Variants in TCF4 observed in about 807,000 individuals in gnomAD.
TCF4 encodes the protein transcription factor 4.
A neutral mutation model predicts 82.1 loss-of-function variants in TCF4; 3 were observed. That is an observed-to-expected ratio of 0.04 (90% CI 0.02 to 0.09). The LOEUF is 0.09. Ranked by LOEUF, TCF4 falls within the 10% of genes least tolerant of loss-of-function variation. TCF4 has a pLI of 1.00. For missense variants in TCF4, 518 were observed against 852.7 expected (o/e 0.61, Z 4.89); for synonymous variants, 276 against 309.6 (o/e 0.89, Z 1.14).
At chr18:55,605,216 C>T (rs2097701155) in intron 2 of TCF4, among the ~76,000 whole-genome samples, 1 of 152,186 alleles carries the variant, frequency 6.6e-6, no homozygotes, top group South Asian at 2.1e-4. Flanking sequence ...AGACTGAAAA[C>T]CCATCATACC....
chr18:55,322,086 TC>T (rs1261642996), intron 8 of TCF4: 2 of 1,105,772 alleles, frequency 1.8e-6, no homozygotes, highest in Non-Finnish European at 2.2e-6. Flanking sequence ...TTTTTCTTTT[TC>T]TTTTCTTTTT....
intron 5 of TCF4, among the ~76,000 whole-genome samples, chr18:55,431,612 AG>A (rs1254097519): frequency 6.6e-6 from 1 of 152,130 alleles, no homozygotes; most frequent in East Asian, 1.9e-4. Context: ...TCCTTCTCTG[AG>A]GACTACCTGA....
Position 55,511,059 on chromosome 18 carries a change from C to T in TCF4, c.146-46922G>A, listed in dbSNP as rs182567133. On this transcript the variant is annotated intron_variant, in intron 3 of 19. Coordinates refer to ENST00000354452, the MANE Select transcript of TCF4 (RefSeq NM_001083962.2). ...GATGTTTGTAAATTTCCTTCCTTTA[C>T]GCATCAAGCTGGCAAACTGTCGTCA... Among the ~76,000 whole-genome samples, 220 of 152,210 alleles carry T rather than the reference C, an allele frequency of 1.4e-3. 2 individuals are homozygous for T. The highest frequency in any genetic ancestry group is 2.5e-3 in the Non-Finnish European group (170 of 67,998).
chr18:55,257,739 C>T (rs2057190447), intron 13 of TCF4, among the ~76,000 whole-genome samples: 1 of 152,076 alleles, frequency 6.6e-6, no homozygotes, highest in Admixed American at 6.6e-5. Flanking sequence ...TTTGTTAGAC[C>T]TTCATGCAAG....
chr18:55,528,634 G>A (rs535098017), intron 3 of TCF4, among the ~76,000 whole-genome samples: 1 of 152,296 alleles, frequency 6.6e-6, no homozygotes, highest in African/African-American at 2.4e-5. Context: ...ACAGAAATTG[G>A]ACAACACCAA....
chr18:55,249,839 G>A (rs149063757), intron 15 of TCF4, among the ~76,000 whole-genome samples: 2,964 of 152,280 alleles, frequency 0.019, 67 homozygotes, highest in Middle Eastern at 0.031. Flanking sequence ...ATAAAGACAA[G>A]TTTGATGTGG....
chr18:55,306,428 A>T (rs933160484), intron 8 of TCF4, among the ~76,000 whole-genome samples: 2 of 152,222 alleles, frequency 1.3e-5, no homozygotes, highest in Non-Finnish European at 2.9e-5. Context: ...CATGCCAGGG[A>T]GTTTGATCAA....
In TCF4 at chr18:55,586,157, AG is replaced by A. The variant is rs2097646370; in HGVS notation, c.73-806del. On this transcript the variant is annotated intron_variant, in intron 2 of 19. Coordinates refer to ENST00000354452, the MANE Select transcript of TCF4 (RefSeq NM_001083962.2). ...GAGAAGGAGGAGGAGGAGGAGGAGC[AG>A]CAGCAGCAGCAGCAGCAGCAGCAGC... 18 of 104,686 alleles carry A rather than the reference AG, an allele frequency of 1.7e-4. No individual in the cohort carries two copies. The Admixed American group carries it at 5.4e-3, about 32-fold the overall frequency. 6.5% of individuals were successfully genotyped at this position (104,686 alleles called of 1,614,324 possible).
chr18:55,305,057 A>G (rs527930526), intron 8 of TCF4, among the ~76,000 whole-genome samples: 7 of 152,334 alleles, frequency 4.6e-5, no homozygotes, highest in African/African-American at 1.7e-4. Flanking sequence ...GTCAACTGAG[A>G]TGTCAGTACC....
At chr18:55,487,811 G>T (rs553022463) in intron 3 of TCF4, among the ~76,000 whole-genome samples, 2 of 151,820 alleles carry the variant, frequency 1.3e-5, no homozygotes, top group South Asian at 2.1e-4. Flanking sequence ...AAACAGATTT[G>T]AAATGGCATG....
chr18:55,322,462 T>C (rs1324858849), intron 8 of TCF4: 2 of 1,000,184 alleles, frequency 2.0e-6, no homozygotes, highest in Non-Finnish European at 2.4e-6. Context: ...ACCACGTCTC[T>C]GACCTCGCTC....
intron 6 of TCF4, among the ~76,000 whole-genome samples, chr18:55,367,906 A>G (rs1227286757): frequency 1.3e-5 from 2 of 152,248 alleles, no homozygotes; most frequent in East Asian, 1.9e-4. Context: ...GCAACCTCCA[A>G]TGAAATAATC....
At chr18:55,410,827 G>A (rs928896186) in intron 5 of TCF4, among the ~76,000 whole-genome samples, 2 of 152,146 alleles carry the variant, frequency 1.3e-5, no homozygotes, top group South Asian at 4.1e-4. Context: ...CATGATGGAT[G>A]AAAATGTCCG....
chr18:55,510,926 A>G lies in TCF4; in HGVS notation c.146-46789T>C, dbSNP rs183164506. Among the ~76,000 whole-genome samples, 13 of 152,328 alleles carry G rather than the reference A, an allele frequency of 8.5e-5. No homozygotes were observed. In the South Asian group the frequency reaches 2.3e-3, roughly 27 times the overall value. On this transcript the variant is annotated intron_variant, in intron 3 of 19. Coordinates refer to ENST00000354452, the MANE Select transcript of TCF4 (RefSeq NM_001083962.2). ...AATCAACAAGATCTCTGCCAAACAG[A>G]GGTCTCAGGACAGCCTTGTTCAGTC...
At chr18:55,249,569 T>A (rs1012609354) in intron 15 of TCF4, among the ~76,000 whole-genome samples, 3 of 152,166 alleles carry the variant, frequency 2.0e-5, no homozygotes, top group Non-Finnish European at 4.4e-5. Flanking sequence ...CCCCTGGTCT[T>A]TTAGAGGGCA....
chr18:55,463,155 T>C (rs372756653), intron 4 of TCF4, among the ~76,000 whole-genome samples: 12 of 152,204 alleles, frequency 7.9e-5, no homozygotes, highest in Admixed American at 7.2e-4. Flanking sequence ...ACACGAAGTG[T>C]ACTTTTAATC....
chr18:55,465,210 T>C (rs1002320658), intron 3 of TCF4, among the ~76,000 whole-genome samples: 1 of 152,224 alleles, frequency 6.6e-6, no homozygotes, highest in African/African-American at 2.4e-5. Context: ...ATTTATTGTG[T>C]TTCCTCACAT....
rs146165201 is a variant in TCF4 at position 55,298,512 on chromosome 18, T to C, written c.550-18856A>G. 7.4e-4 allele frequency among the ~76,000 whole-genome samples: 112 copies of C among 151,448 alleles called. 1 individual carries two copies. Among genetic ancestry groups the C allele is most frequent in the African/African-American group, 2.6e-3 (108 of 41,302 alleles). On this transcript the variant is annotated intron_variant, in intron 8 of 19. Transcript: ENST00000354452. Reference sequence around the variant, plus strand: ...ATATATTTCAGGAAAGCAATGTTTTTAGAAAAAAACCCCAGCAAATTAAAC... The same window carrying C: ...ATATATTTCAGGAAAGCAATGTTTTCAGAAAAAAACCCCAGCAAATTAAAC...
intron 8 of TCF4, among the ~76,000 whole-genome samples, chr18:55,343,881 C>T (rs544262001): frequency 2.6e-5 from 4 of 152,086 alleles, no homozygotes; most frequent in East Asian, 1.9e-4. Context: ...CACACACATC[C>T]GGGGATAGTA....
Sources: gnomAD v4.1 joint callset for allele counts (sites outside exome capture counted in the v4.1 genomes callset) on GRCh38, gnomAD v4.1.1 for gene constraint, MANE v1.5 for transcripts, NCBI Gene and HGNC (gene_info 2026-07-23, HGNC 2026-07-21) for gene names.